The following TSGA10 variants were observed in gnomAD, a reference collection of about 807,000 sequenced individuals.
TSGA10 encodes testis specific 10, also known as testis-specific gene 10 protein.
In TSGA10, 43 loss-of-function variants were observed where a neutral mutation model predicts 96.6. The observed-to-expected ratio is 0.44, with a 90% CI of 0.35 to 0.57. The LOEUF is 0.57. Among genes scored for constraint, TSGA10 ranks in the 20% least tolerant of loss-of-function variants. TSGA10 has a pLI of 0.01. For synonymous variants in TSGA10, 229 were observed against 269.9 expected (o/e 0.85, Z 1.48); for missense variants, 703 against 834.4 (o/e 0.84, Z 1.94).
At chr2:99,150,499 A>C in intron 1 of TSGA10, 1 of 1,549,194 alleles carries the variant, frequency 6.5e-7, no homozygotes, top group South Asian at 1.2e-5. Flanking sequence ...AGTTGAAGAA[A>C]CACTTCCACT....
intron 10 of TSGA10, among the ~76,000 whole-genome samples, chr2:99,101,425 C>G (rs566666366): frequency 3.9e-5 from 6 of 152,156 alleles, no homozygotes; most frequent in African/African-American, 1.4e-4. Context: ...CCCTTGGCCC[C>G]TCAAAGTGCT....
chr2:99,094,449 CAGAGT>C (rs1245570476), intron 10 of TSGA10, among the ~76,000 whole-genome samples: 1 of 152,054 alleles, frequency 6.6e-6, no homozygotes, highest in African/African-American at 2.4e-5. Context: ...AAACACTCAG[CAGAGT>C]AAACAGAAAA....
At chr2:99,072,888 G>C (rs1047960186) in intron 13 of TSGA10, 130 bp downstream of exon 13, 13 of 592,320 alleles carry the variant, frequency 2.2e-5, no homozygotes, top group Non-Finnish European at 3.3e-5. Context: ...GACAGACTTA[G>C]GCCTCCTTTG....
chr2:99,074,173 C>T (rs909443053), intron 12 of TSGA10, among the ~76,000 whole-genome samples: 3 of 151,754 alleles, frequency 2.0e-5, no homozygotes, highest in African/African-American at 7.3e-5. Context: ...CCACCATGCC[C>T]AGCTAATTTT....
At chr2:99,140,332 T>C (rs1273105531) in intron 1 of TSGA10, among the ~76,000 whole-genome samples, 3 of 152,148 alleles carry the variant, frequency 2.0e-5, no homozygotes, top group Admixed American at 6.5e-5. Context: ...ATTCTACTTA[T>C]GTCCTTACAC....
chr2:99,049,497 G>T (rs533033829), intron 16 of TSGA10, among the ~76,000 whole-genome samples: 1 of 151,946 alleles, frequency 6.6e-6, no homozygotes, highest in Non-Finnish European at 1.5e-5. Flanking sequence ...ACCAAACACC[G>T]CATGTTCTCA....
chr2:99,039,216 CAAGGAACTAG>C (rs1417502752), intron 16 of TSGA10, among the ~76,000 whole-genome samples: 1 of 149,858 alleles, frequency 6.7e-6, no homozygotes, highest in African/African-American at 2.5e-5. Context: ...GGTCACACCT[CAAGGAACTAG>C]AGAAACAAGA....
chr2:99,074,429 C>T (rs2086432978), intron 12 of TSGA10, among the ~76,000 whole-genome samples: 1 of 149,946 alleles, frequency 6.7e-6, no homozygotes, highest in African/African-American at 2.5e-5. Context: ...GCTACAGTTT[C>T]CCATTCTGCT....
At chr2:99,055,866 A>G (rs200114241) in intron 16 of TSGA10, among the ~76,000 whole-genome samples, 1 of 151,060 alleles carries the variant, frequency 6.6e-6, no homozygotes, top group Non-Finnish European at 1.5e-5. Context: ...TTAACAAAAA[A>G]AAAAAAAAAA....
intron 12 of TSGA10, among the ~76,000 whole-genome samples, chr2:99,074,273 C>G (rs1390095221): frequency 6.6e-6 from 1 of 151,918 alleles, no homozygotes; most frequent in Non-Finnish European, 1.5e-5. Context: ...CTCGGCCTCC[C>G]AAAGTGCTGG....
chr2:99,115,636 T>G (rs1188985983), intron 4 of TSGA10, among the ~76,000 whole-genome samples: 1 of 152,062 alleles, frequency 6.6e-6, no homozygotes, highest in African/African-American at 2.4e-5. Flanking sequence ...TCCCAGCACT[T>G]TGGGAGGCCA....
chr2:99,045,075 G>C (rs1038499809), intron 16 of TSGA10, among the ~76,000 whole-genome samples: 1 of 152,078 alleles, frequency 6.6e-6, no homozygotes, highest in African/African-American at 2.4e-5. Flanking sequence ...ACAAAAGAAA[G>C]CAAGAAAAAT....
chr2:99,001,437 C>G (rs1354180812), intron 20 of TSGA10, among the ~76,000 whole-genome samples: 1 of 152,190 alleles, frequency 6.6e-6, no homozygotes, highest in Non-Finnish European at 1.5e-5. Context: ...ATAGCATCAA[C>G]ATCAACAAAA....
chr2:99,020,318 C>T lies in TSGA10; in HGVS notation c.1779G>A (p.Gln593=). The T allele has an allele frequency of 6.2e-7, 1 of 1,613,754 alleles. No homozygotes were observed. Among genetic ancestry groups the T allele is most frequent in the South Asian group, 1.1e-5 (1 of 91,062 alleles). Residue 593 remains glutamine, a synonymous_variant, in exon 18 of 21, where the codon CAG becomes CAA. Transcript: ENST00000393483. ...CCAAACAAAGGTGTTCTTTAAGAAG[C>T]TGAATTTCAGATTCTTTTTCTTGAA... ...IALQEKESEI[Q]LLKEHLCLAE... is the part of the protein sequence containing the mutation.
intron 16 of TSGA10, among the ~76,000 whole-genome samples, chr2:99,050,159 A>G (rs2083242358): frequency 6.6e-6 from 1 of 152,160 alleles, no homozygotes; most frequent in Non-Finnish European, 1.5e-5. Context: ...CAGAAATGGG[A>G]GGGCGAGGGA....
chr2:99,107,448 G>T (rs1436792208), intron 7 of TSGA10, among the ~76,000 whole-genome samples: 1 of 151,850 alleles, frequency 6.6e-6, no homozygotes, highest in Non-Finnish European at 1.5e-5. Context: ...TTCATATTTT[G>T]CCTGCCTTTA....
chr2:99,098,765 T>C (rs2090379527), intron 10 of TSGA10, among the ~76,000 whole-genome samples: 1 of 152,100 alleles, frequency 6.6e-6, no homozygotes, highest in East Asian at 1.9e-4. Context: ...AACATCCTTT[T>C]AAATTTAGAC....
intron 10 of TSGA10, among the ~76,000 whole-genome samples, chr2:99,090,738 T>TA (rs2089225426): frequency 1.3e-5 from 2 of 152,084 alleles, no homozygotes; most frequent in Middle Eastern, 3.4e-3. Context: ...AAAAGAATTT[T>TA]AAAAAAATGA....
chr2:99,077,126 CCT>C (rs2086799622), intron 12 of TSGA10, among the ~76,000 whole-genome samples: 1 of 124,478 alleles, frequency 8.0e-6, no homozygotes, highest in South Asian at 2.6e-4. Context: ...GGACCATTCA[CCT>C]TTTTTTTTTT....
Sources: allele counts gnomAD v4.1 joint callset (sites outside exome capture counted in the v4.1 genomes callset), GRCh38; gene constraint gnomAD v4.1.1; transcripts MANE v1.5; gene names NCBI Gene and HGNC (gene_info 2026-07-23, HGNC 2026-07-21).